CEP104: variants seen among roughly 807,000 people sequenced by gnomAD.
The protein encoded by CEP104 is centrosomal protein 104, also known as centrosomal protein of 104 kDa.
CEP104 carries 84 observed loss-of-function variants against 113.3 expected under a neutral mutation model. That is an observed-to-expected ratio of 0.74 (90% CI 0.62 to 0.89). The LOEUF is 0.89. Among genes scored for constraint, CEP104 ranks in the 40% least tolerant of loss-of-function variants. The pLI is 0.00. For missense variants in CEP104, 1,053 were observed against 1,156.6 expected, an observed-to-expected ratio of 0.91 and a Z score of 1.30; for synonymous variants, 378 against 421.7, an observed-to-expected ratio of 0.90 and a Z score of 1.27.
chr1:3,821,280 C>T (rs1643967741), intron 20 of CEP104, among the ~76,000 whole-genome samples: 2 of 152,348 alleles, frequency 1.3e-5, no homozygotes, highest in South Asian at 4.1e-4. Flanking sequence ...TGGGATAATT[C>T]ACGCATCACT....
chr1:3,823,499 CA>C lies in CEP104; in HGVS notation c.2427del (p.Phe809LeufsTer20), dbSNP rs1557662183. ...LLTECDKKDG[F>X]GKCYRCSEAV... The stretch of plus-strand genomic sequence containing the variant: ...GCCTCACTGCAACGGTAACACTTTC[CA>C]AACCCGTCTTTTTTGTCACATTCCG... On this transcript the variant is annotated frameshift_variant, in exon 19 of 22. Coordinates refer to ENST00000378230, the MANE Select transcript of CEP104 (RefSeq NM_014704.4). LOFTEE classifies it high-confidence loss of function. This position sits in a 1 kb window ranked among gnomAD's most constrained non-coding sequence, Gnocchi z 4.1. 6.2e-7 allele frequency: 1 copy of C among 1,614,228 alleles called. No homozygotes were observed. Among genetic ancestry groups the C allele is most frequent in the South Asian group, 1.1e-5 (1 of 91,074 alleles).
At chr1:3,834,156 A>G in intron 11 of CEP104, 121 bp from the exon 12 acceptor site, 2 of 815,872 alleles carry the variant, frequency 2.5e-6, no homozygotes, top group Non-Finnish European at 3.9e-6. Flanking sequence ...CTCGTCTGAA[A>G]GGCTGAAAAT....
intron 15 of CEP104, 103 bp downstream of exon 15, chr1:3,829,163 T>C (rs1041125696): frequency 1.3e-5 from 10 of 799,552 alleles, no homozygotes; most frequent in Non-Finnish European, 1.5e-5. Flanking sequence ...AAGACGCTCA[T>C]TTGCATAATC....
Position 3,819,567 on chromosome 1 carries a change from T to C in CEP104, c.2572-3197A>G, listed in dbSNP as rs1032894994. ...CCCAGCCAAACACAAATACTAGAAT[T>C]GGAAAGTACCAGATTGAAAATGAAT... On this transcript the variant is annotated intron_variant, in intron 20 of 21. Transcript: ENST00000378230. The surrounding 1 kb of genome is among the most constrained non-coding windows in gnomAD (Gnocchi z 4.6). Among the ~76,000 whole-genome samples, 5 of 151,974 alleles carry C rather than the reference T, an allele frequency of 3.3e-5. No homozygotes were observed. The highest frequency in any genetic ancestry group is 6.6e-5 in the Admixed American group (1 of 15,252).
chr1:3,850,813 G>A (rs1375579922), intron 2 of CEP104, among the ~76,000 whole-genome samples: 6 of 152,204 alleles, frequency 3.9e-5, no homozygotes, highest in African/African-American at 1.4e-4. Context: ...AGTGAGTGTA[G>A]GTTATGCCCT....
chr1:3,844,968 A>G lies in CEP104; in HGVS notation c.505T>C (p.Leu169=). ...DESNTASREK[L]IDHYLGHNSE... ...TTGTGCCCAAGGTAGTGGTCAATCA[A>G]CTTCTCTCGAGAGGCCTTTGGGGGC... The change falls in exon 6 of 22, where the codon TTG becomes CTG. Residue 169 remains leucine (L), a synonymous_variant. Transcript: ENST00000378230. The G allele has an allele frequency of 1.2e-6, 2 of 1,614,146 alleles. No homozygotes were observed. The highest frequency in any genetic ancestry group is 8.5e-7 in the Non-Finnish European group (1 of 1,180,010).
chr1:3,831,296 C>T, intron 12 of CEP104, 74 bp from the exon 13 acceptor site: 1 of 1,344,538 alleles, frequency 7.4e-7, no homozygotes, highest in Non-Finnish European at 1.0e-6. Context: ...TCAGCATGAT[C>T]TTAAACTAAA....
At chr1:3,828,712 T>C (rs1363127407) in intron 15 of CEP104, among the ~76,000 whole-genome samples, 3 of 152,170 alleles carry the variant, frequency 2.0e-5, no homozygotes. Flanking sequence ...GGAAATTTTC[T>C]TTCAACTGAA....
rs143854603 is a variant in CEP104, at chr1:3,837,155, C to T, written c.1119+137G>A. On this transcript the variant is annotated intron_variant, in intron 9 of 21. Transcript: ENST00000378230. Reference sequence around the variant, plus strand: ...GCTATGCTCTCACTCAGCACTATGGCTCCTAGAATGGAACAGAGGTGGGTC... The same window carrying T: ...GCTATGCTCTCACTCAGCACTATGGTTCCTAGAATGGAACAGAGGTGGGTC... 2.9e-4 allele frequency: 192 copies of T among 672,150 alleles called. 1 individual carries two copies. The African/African-American group carries it at 3.2e-3, about 11-fold the overall frequency. 41.6% of individuals were successfully genotyped at this position (672,150 alleles called of 1,614,324 possible).
intron 1 of CEP104, among the ~76,000 whole-genome samples, chr1:3,853,026 G>C (rs11578021): frequency 0.54 from 81,865 of 152,166 alleles, 24,561 homozygotes; most frequent in Non-Finnish European, 0.68. Flanking sequence ...ACTTCTGCCT[G>C]CAGAATGAAT....
chr1:3,815,634 C>T, intron 21 of CEP104, 117 bp from the exon 22 acceptor site: 1 of 663,914 alleles, frequency 1.5e-6, no homozygotes. Flanking sequence ...TGATGGCCGT[C>T]ACCCGACTAC....
intron 20 of CEP104, among the ~76,000 whole-genome samples, chr1:3,817,216 C>T (rs912701534): frequency 2.6e-5 from 4 of 152,172 alleles, no homozygotes; most frequent in Non-Finnish European, 5.9e-5. Flanking sequence ...GTGTCCCCAA[C>T]AGCTAATCCC....
Position 3,837,464 on chromosome 1 carries a change from C to T in CEP104, c.947G>A (p.Cys316Tyr). The change falls in exon 9 of 22, where the codon TGC becomes TAC. Residue 316 changes from cysteine to tyrosine, a missense_variant. Cys to Tyr is a radical substitution (Grantham distance 194). Transcript: ENST00000378230. ...TAGTGAGGGCATTGGCTTTTGGTGG[C>T]AAGGACTGCCAGAACGAGCGAGGGG... ...LQPLARSGSPCHQKPMPSLPQ... is the reference protein window; with the variant it reads ...LQPLARSGSPYHQKPMPSLPQ... 1 of 1,614,168 alleles carries T rather than the reference C, an allele frequency of 6.2e-7. No individual in the cohort carries two copies. Among genetic ancestry groups the T allele is most frequent in the Non-Finnish European group, 8.5e-7 (1 of 1,180,030 alleles).
Position 3,823,046 on chromosome 1 carries a change from C to T in CEP104, c.2571+128G>A, listed in dbSNP as rs1644009730. On this transcript the variant is annotated intron_variant, in intron 20 of 21. Coordinates refer to ENST00000378230, the MANE Select transcript of CEP104 (RefSeq NM_014704.4). This position sits in a 1 kb window ranked among gnomAD's most constrained non-coding sequence, Gnocchi z 4.1. ...CAGACAGGGCTCACTAGACGCTGTC[C>T]CCTCCCTGAACACTCATGTACTGTA... 3.7e-6 allele frequency: 3 copies of T among 808,060 alleles called. No homozygotes were observed. The highest frequency in any genetic ancestry group is 6.2e-6 in the Non-Finnish European group (3 of 485,678). The allele number at this position is 808,060 out of a possible 1,614,324, so 50.1% of individuals were successfully genotyped here.
intron 4 of CEP104, among the ~76,000 whole-genome samples, chr1:3,847,173 A>G (rs948565044): frequency 1.3e-5 from 2 of 152,232 alleles, no homozygotes; most frequent in Middle Eastern, 3.2e-3. Context: ...CATCACATAC[A>G]ATTGACATAA....
chr1:3,826,349 G>T, intron 17 of CEP104, 21 bp downstream of exon 17: 1 of 1,610,478 alleles, frequency 6.2e-7, no homozygotes, highest in African/African-American at 1.3e-5. Flanking sequence ...CGTACAATGG[G>T]TGGAAGACAG....
Position 3,829,273 on chromosome 1 carries a change from T to A in CEP104, c.2144A>T (p.Glu715Val). 4 of 1,582,260 alleles carry A rather than the reference T, an allele frequency of 2.5e-6. No individual in the cohort carries two copies. The highest frequency in any genetic ancestry group is 3.4e-6 in the Non-Finnish European group (4 of 1,171,532). Reference sequence around the variant, plus strand: ...GACGTGTTAACTTCCAACCTGAACTTCAGCCTGAATTTCTTTCAGTGCTGC... The same window carrying A: ...GACGTGTTAACTTCCAACCTGAACTACAGCCTGAATTTCTTTCAGTGCTGC... ...QLAALKEIQA[E>V]VQEKESDAVK... Residue 715 changes from glutamate (E) to valine (V), a missense_variant, in exon 15 of 22, where the codon GAA becomes GTA. Transcript: ENST00000378230.
At chr1:3,841,192 T>C (rs1644405418) in intron 6 of CEP104, among the ~76,000 whole-genome samples, 4 of 152,176 alleles carry the variant, frequency 2.6e-5, no homozygotes, top group Non-Finnish European at 5.9e-5. Context: ...TACGTTTTAA[T>C]GAAAACACTT....
At chr1:3,815,568 A>G (rs1307263299) in intron 21 of CEP104, 51 bp from the exon 22 acceptor site, 11 of 1,336,968 alleles carry the variant, frequency 8.2e-6, no homozygotes, top group Non-Finnish European at 1.1e-5. Flanking sequence ...CTACCCACGG[A>G]CCAGGTGCAG....
Sources: allele counts gnomAD v4.1 joint callset (sites outside exome capture counted in the v4.1 genomes callset), GRCh38; gene constraint gnomAD v4.1.1; non-coding constraint Gnocchi (gnomAD v3.1); transcripts MANE v1.5; gene names NCBI Gene and HGNC (gene_info 2026-07-23, HGNC 2026-07-21).